Variants in ARHGAP36 observed in about 807,000 individuals in gnomAD.
ARHGAP36 encodes the protein Rho GTPase activating protein 36.
Under a neutral mutation model 32.9 loss-of-function variants are expected in ARHGAP36, and 7 were observed. The observed-to-expected ratio is 0.21, with a 90% CI of 0.12 to 0.40. ARHGAP36 has a LOEUF of 0.40. Ranked by LOEUF, ARHGAP36 falls within the 10% of genes least tolerant of loss-of-function variation. ARHGAP36 has a pLI of 1.00. For synonymous variants in ARHGAP36, 165 were observed against 168.3 expected (o/e 0.98, Z 0.15); for missense variants, 383 against 442.2 (o/e 0.87, Z 1.20).
At position 131,079,448 on chromosome X, in the gene ARHGAP36, C is replaced by A. The variant is rs146264633; in HGVS notation, c.-142-2076C>A. ...AAACTCCTCATCTTTTCTCTTACTG[C>A]ACCTATTTCTGACATCTGTGATCCT... On this transcript the variant is annotated intron_variant, in intron 1 of 11. Coordinates refer to ENST00000276211, the MANE Select transcript of ARHGAP36 (RefSeq NM_144967.4). 3.8e-3 allele frequency among the ~76,000 whole-genome samples: 421 copies of A among 111,638 alleles called. 2 individuals are homozygous for A. The highest frequency in any genetic ancestry group is 0.013 in the African/African-American group (408 of 30,748).
chrX:131,077,764 C>CATATATATATATATATAT lies in ARHGAP36; in HGVS notation c.-142-3735_-142-3718dup, dbSNP rs72142237. On this transcript the variant is annotated intron_variant, in intron 1 of 11. Coordinates refer to ENST00000276211, the MANE Select transcript of ARHGAP36 (RefSeq NM_144967.4). Reference sequence around the variant, plus strand: ...GCCCCTTTACTTATCCAAATAAAATCATATATATATATATATATATATATA... The same window carrying CATATATATATATATATAT: ...GCCCCTTTACTTATCCAAATAAAATCATATATATATATATATATATATATATATATATATATATATATA... Among the ~76,000 whole-genome samples, 14 of 87,020 alleles carry CATATATATATATATATAT rather than the reference C, an allele frequency of 1.6e-4. 1 individual carries two copies. The highest frequency in any genetic ancestry group is 5.6e-4 in the South Asian group (1 of 1,777). 75.6% of individuals were successfully genotyped at this position (87,020 alleles called of 115,157 possible). A position where few individuals can be genotyped will look rare whatever the true frequency, so the allele number is the denominator to read the frequency against.
rs1327852347 is a variant in ARHGAP36, at chrX:131,084,291, T to G, written c.632T>G (p.Ile211Ser). ...LLLQTLQLSK[I>S]SFPIGQRLLG... is the part of the protein sequence containing the mutation. ...CTGCAGACCCTGCAGCTTTCAAAAA[T>G]TTCCTTTCCAATTGGCCAACGACTT... is the stretch of plus-strand genomic sequence containing the variant. The change falls in exon 5 of 12, where the codon ATT becomes AGT. Residue 211 changes from isoleucine (I) to serine (S), a missense_variant. Ile to Ser is a moderately radical substitution (Grantham distance 142). This residue lies in a region of ARHGAP36 where 227 missense variants were observed against 311.3 expected (regional missense o/e 0.73). Coordinates refer to ENST00000276211, the MANE Select transcript of ARHGAP36 (RefSeq NM_144967.4). 5.0e-6 allele frequency: 6 copies of G among 1,211,915 alleles called. No individual in the cohort carries two copies. In the African/African-American group the frequency reaches 6.9e-5, roughly 14 times the overall value.
At position 131,065,385 on chromosome X, in the gene ARHGAP36, G is replaced by A. The variant is rs193142512; in HGVS notation, c.-143+6941G>A. Among the ~76,000 whole-genome samples, 713 of 111,531 alleles carry A rather than the reference G, an allele frequency of 6.4e-3. 3 individuals are homozygous for A. Among genetic ancestry groups the A allele is most frequent in the African/African-American group, 0.022 (679 of 30,659 alleles). Reference sequence around the variant, plus strand: ...TAGCGATGTGTTTATGCATTTGTGCGTATGTGTGTGTGCTGGTGTTGAGAA... The same window carrying A: ...TAGCGATGTGTTTATGCATTTGTGCATATGTGTGTGTGCTGGTGTTGAGAA... On this transcript the variant is annotated intron_variant, in intron 1 of 11. Transcript: ENST00000276211.
At chrX:131,085,212 T>C in intron 7 of ARHGAP36, 148 bp downstream of exon 7, 1 of 480,926 alleles carries the variant, frequency 2.1e-6, no homozygotes, top group South Asian at 9.2e-5. Context: ...CCAGAATATA[T>C]ACAATTATTA....
chrX:131,075,635 G>GTGTGTA lies in ARHGAP36; in HGVS notation c.-142-5884_-142-5883insATGTGT, dbSNP rs1189441203. Among the ~76,000 whole-genome samples, 5 of 108,935 alleles carry GTGTGTA rather than the reference G, an allele frequency of 4.6e-5. No individual in the cohort carries two copies. The East Asian group carries it at 8.6e-4, about 19-fold the overall frequency. The allele number at this position is 108,935 out of a possible 115,157, so 94.6% of individuals were successfully genotyped here. ...TGTGTGTATATATATGTGTGTGTGT[G>GTGTGTA]TGTGTGTGTGTGTGTGTCCATGTAT... is the stretch of plus-strand genomic sequence containing the variant. On this transcript the variant is annotated intron_variant, in intron 1 of 11. Coordinates refer to ENST00000276211, the MANE Select transcript of ARHGAP36 (RefSeq NM_144967.4).
intron 1 of ARHGAP36, among the ~76,000 whole-genome samples, chrX:131,074,212 C>T (rs2079747896): frequency 8.9e-6 from 1 of 111,773 alleles, no homozygotes; most frequent in African/African-American, 3.3e-5. Context: ...TATGCCCACT[C>T]TGTAGAAGCC....
chrX:131,089,066 C>T lies in ARHGAP36; in HGVS notation c.*281C>T. The T allele has an allele frequency of 3.7e-6, 1 of 268,017 alleles. No individual in the cohort carries two copies. Among genetic ancestry groups the T allele is most frequent in the Non-Finnish European group, 6.5e-6 (1 of 153,448 alleles). 22.1% of individuals were successfully genotyped at this position (268,017 alleles called of 1,213,427 possible). On this transcript the variant is annotated 3_prime_UTR_variant, in exon 12 of 12. Coordinates refer to ENST00000276211, the MANE Select transcript of ARHGAP36 (RefSeq NM_144967.4). ...CTTTTACCCCTGATCTTGGCTTTCT[C>T]TCTCTCTCTGCAGACTTTCCTTTAA...
In ARHGAP36 at chrX:131,084,925, A is replaced by T; in HGVS notation, c.816A>T (p.Glu272Asp). The change falls in exon 7 of 12, where the codon GAA becomes GAT. Residue 272 changes from glutamate to aspartate, a missense_variant. By Grantham distance (45) the Glu-to-Asp change is conservative (BLOSUM62 2). Around this residue, in one of 2 missense-constraint regions of ARHGAP36, gnomAD observed 227 missense variants for 311.3 expected, o/e 0.73. Transcript: ENST00000276211. ...TCTCCTTTTCCTAGCTCCGTGAAGAATTTGATCAAGGTCTGGATGTAGTGC... is the reference window on the plus strand; with the variant it reads ...TCTCCTTTTCCTAGCTCCGTGAAGATTTTGATCAAGGTCTGGATGTAGTGC... ...SVQRVRQLREEFDQGLDVVLD... is the reference protein window; with the variant it reads ...SVQRVRQLREDFDQGLDVVLD... 3.3e-6 allele frequency: 4 copies of T among 1,211,766 alleles called. No individual in the cohort carries two copies. Among genetic ancestry groups the T allele is most frequent in the Non-Finnish European group, 4.5e-6 (4 of 895,484 alleles).
intron 11 of ARHGAP36, among the ~76,000 whole-genome samples, chrX:131,087,343 G>A (rs57515950): frequency 0.043 from 4,773 of 111,266 alleles, 261 homozygotes; most frequent in African/African-American, 0.15. Context: ...AGACTATGAA[G>A]CCCCAGAGGT....
chrX:131,083,339 C>T, intron 3 of ARHGAP36, 109 bp downstream of exon 3: 1 of 755,646 alleles, frequency 1.3e-6, no homozygotes, highest in Admixed American at 3.1e-5. Context: ...CCAGGGGACA[C>T]TCTCCTCAGC....
chrX:131,079,559 TTTG>T (rs1355843251), intron 1 of ARHGAP36, among the ~76,000 whole-genome samples: 14 of 58,730 alleles, frequency 2.4e-4, no homozygotes, highest in African/African-American at 7.9e-4. Flanking sequence ...TTTTTTGTTT[TTTG>T]TTTTTTTTTT....
chrX:131,080,469 C>T (rs769474846), intron 1 of ARHGAP36, among the ~76,000 whole-genome samples: 1 of 110,695 alleles, frequency 9.0e-6, no homozygotes, highest in South Asian at 3.8e-4. Flanking sequence ...ACAAAGTGGG[C>T]AATTAATACA....
chrX:131,085,683 C>T lies in ARHGAP36; in HGVS notation c.1051C>T (p.Leu351=). The change falls in exon 8 of 12, where the codon CTG becomes TTG. Residue 351 remains leucine, a synonymous_variant. Transcript: ENST00000276211. ...TACCCTGGAGCGTCTGCTGAAGGCC[C>T]TGCATAAAATCACTGAGAACTGCGA... ...SDTLERLLKA[L]HKITENCEDS... 8.3e-7 allele frequency: 1 copy of T among 1,211,626 alleles called. No homozygotes were observed. Among genetic ancestry groups the T allele is most frequent in the Non-Finnish European group, 1.1e-6 (1 of 895,528 alleles).
chrX:131,085,169 C>G (rs2079827704), intron 7 of ARHGAP36, 105 bp downstream of exon 7: 2 of 802,019 alleles, frequency 2.5e-6, no homozygotes, highest in Non-Finnish European at 3.4e-6. Flanking sequence ...AGAACTAAGG[C>G]AAAATGACCA....
intron 6 of ARHGAP36, 31 bp downstream of exon 6, chrX:131,084,712 T>C: frequency 8.3e-7 from 1 of 1,208,468 alleles, no homozygotes; most frequent in Non-Finnish European, 1.1e-6. Context: ...TGTTTGTTCC[T>C]CCAATAAGAA....
At chrX:131,060,170 C>T (rs35081199) in intron 1 of ARHGAP36, among the ~76,000 whole-genome samples, 3,720 of 111,299 alleles carry the variant, frequency 0.033, 84 homozygotes, top group Admixed American at 0.093. Context: ...TAACATGTGA[C>T]ATAGCTTCAA....
intron 1 of ARHGAP36, among the ~76,000 whole-genome samples, chrX:131,063,278 C>G (rs186397680): frequency 1.8e-5 from 2 of 111,584 alleles, no homozygotes; most frequent in African/African-American, 6.5e-5. Flanking sequence ...GCGGCTTCCT[C>G]GGGATGAGTA....
intron 1 of ARHGAP36, among the ~76,000 whole-genome samples, chrX:131,074,832 G>A (rs2079752837): frequency 1.8e-5 from 2 of 111,750 alleles, no homozygotes; most frequent in Admixed American, 1.9e-4. Flanking sequence ...CTGTGCCAAG[G>A]AAGCCAAAGT....
intron 9 of ARHGAP36, 59 bp from the exon 10 acceptor site, chrX:131,086,270 T>C (rs2079834889): frequency 8.7e-7 from 1 of 1,145,846 alleles, no homozygotes; most frequent in Non-Finnish European, 1.2e-6. Context: ...CTGAAAGAGA[T>C]GAGTATAAAT....
Sources: gnomAD v4.1 joint callset for allele counts (sites outside exome capture counted in the v4.1 genomes callset) on GRCh38, gnomAD v4.1.1 for gene constraint, gnomAD v4.1.1 regional missense constraint, MANE v1.5 for transcripts, NCBI Gene and HGNC (gene_info 2026-07-23, HGNC 2026-07-21) for gene names.